SCARA3: variants seen among roughly 807,000 people sequenced by gnomAD.
SCARA3 encodes scavenger receptor class A member 3, also known as cellular stress response gene protein.
In SCARA3, 39 loss-of-function variants were observed where a neutral mutation model predicts 47.0. The observed-to-expected ratio is 0.83, with a 90% confidence interval of 0.64 to 1.08. The LOEUF (loss-of-function observed/expected upper bound fraction) is 1.08. Among genes scored for constraint, SCARA3 ranks in the 50% least tolerant of loss-of-function variants. The probability of loss-of-function intolerance (pLI) is 0.00; values close to 1 mark genes in which losing one functional copy is unlikely to be tolerated. For missense variants in SCARA3, 724 were observed against 792.3 expected, an observed-to-expected ratio of 0.91 and a Z score of 1.04; for synonymous variants, 356 against 334.1, an observed-to-expected ratio of 1.07 and a Z score of -0.71.
chr8:27,704,349 G>A, the SCARA3 span, among the ~76,000 whole-genome samples: 1 of 152,136 alleles, frequency 6.6e-6, no homozygotes, highest in Non-Finnish European at 1.5e-5. Context: ...AGGAGACTTA[G>A]GAGGAAGGAT....
the SCARA3 span, among the ~76,000 whole-genome samples, chr8:27,684,797 G>A: frequency 6.6e-6 from 1 of 152,098 alleles, no homozygotes; most frequent in Non-Finnish European, 1.5e-5. Context: ...GGCTGAAGCA[G>A]GAGGATCTGC....
chr8:27,634,173 C>A lies in SCARA3; in HGVS notation c.-28C>A. The A allele has an allele frequency of 2.1e-6, 3 of 1,442,778 alleles. No individual in the cohort carries two copies. The highest frequency in any genetic ancestry group is 2.7e-6 in the Non-Finnish European group (3 of 1,101,910). 89.4% of individuals were successfully genotyped at this position (1,442,778 alleles called of 1,614,324 possible). Reference sequence around the variant, plus strand: ...ACAGCTCCAGCCGCCTGCAGCGGGGCCCTCCTGAGGCCCCAGAGGAAGAGA... The same window carrying A: ...ACAGCTCCAGCCGCCTGCAGCGGGGACCTCCTGAGGCCCCAGAGGAAGAGA... On this transcript the variant is annotated 5_prime_UTR_variant, in exon 1 of 6. Coordinates refer to ENST00000301904, the MANE Select transcript of SCARA3 (RefSeq NM_016240.3).
intron 5 of SCARA3, among the ~76,000 whole-genome samples, chr8:27,662,593 G>A (rs376780665): frequency 2.0e-4 from 31 of 152,206 alleles, no homozygotes; most frequent in African/African-American, 2.9e-4. Flanking sequence ...CAGGGCAAGC[G>A]TCTATTCTGG....
Position 27,662,042 on chromosome 8 carries a change from G to C in SCARA3, c.1369+2503G>C, listed in dbSNP as rs140864754. Among the ~76,000 whole-genome samples the C allele has an allele frequency of 1.1e-3, 173 of 152,348 alleles. 1 individual carries two copies. The highest frequency in any genetic ancestry group is 4.0e-3 in the African/African-American group (168 of 41,578). ...AGGAGCTCAAAGTGGCCAGGTGGCA[G>C]TCTTAACTTCCTGTTCAATGGAATC... On this transcript the variant is annotated intron_variant, in intron 5 of 5. Coordinates refer to ENST00000301904, the MANE Select transcript of SCARA3 (RefSeq NM_016240.3).
intron 3 of SCARA3, among the ~76,000 whole-genome samples, chr8:27,655,951 C>A (rs186359082): frequency 6.6e-6 from 1 of 152,160 alleles, no homozygotes; most frequent in Non-Finnish European, 1.5e-5. Context: ...GTACAGTAGT[C>A]CCCGTTTATC....
the SCARA3 span, among the ~76,000 whole-genome samples, chr8:27,730,492 T>TTTA: frequency 6.8e-6 from 1 of 147,310 alleles, no homozygotes; most frequent in Middle Eastern, 3.4e-3. Context: ...CCTTTGATTT[T>TTTA]TTTTTTTTTT....
the SCARA3 span, among the ~76,000 whole-genome samples, chr8:27,725,384 T>C: frequency 3.8e-5 from 5 of 131,564 alleles, no homozygotes; most frequent in African/African-American, 8.5e-5. Flanking sequence ...ATTTATATTA[T>C]ATTTATATTT....
chr8:27,682,916 C>G, the SCARA3 span, among the ~76,000 whole-genome samples: 4 of 152,004 alleles, frequency 2.6e-5, no homozygotes, highest in Non-Finnish European at 4.4e-5. Flanking sequence ...TCTAGCCATT[C>G]TACTCCTAGG....
intron 5 of SCARA3, 66 bp from the exon 6 acceptor site, chr8:27,670,834 C>A: frequency 7.2e-7 from 1 of 1,384,840 alleles, no homozygotes; most frequent in Non-Finnish European, 9.8e-7. Context: ...CCGCTCTGCT[C>A]ATGGGCGAGC....
At chr8:27,644,934 C>A (rs535320875) in intron 1 of SCARA3, among the ~76,000 whole-genome samples, 1 of 152,148 alleles carries the variant, frequency 6.6e-6, no homozygotes, top group Non-Finnish European at 1.5e-5. Flanking sequence ...CACGACCCCC[C>A]CAAACAAGAA....
chr8:27,692,162 G>T, the SCARA3 span, among the ~76,000 whole-genome samples: 1 of 152,144 alleles, frequency 6.6e-6, no homozygotes, highest in African/African-American at 2.4e-5. Flanking sequence ...GCCATGTAAG[G>T]TGTCTCACAC....
At chr8:27,720,233 T>C in the SCARA3 span, among the ~76,000 whole-genome samples, 4 of 142,464 alleles carry the variant, frequency 2.8e-5, no homozygotes, top group African/African-American at 9.8e-5. Context: ...TGAGCAAGTC[T>C]GAGTGGCGAG....
intron 1 of SCARA3, among the ~76,000 whole-genome samples, chr8:27,637,560 CT>C (rs1042148504): frequency 6.6e-6 from 1 of 152,150 alleles, no homozygotes; most frequent in African/African-American, 2.4e-5. Flanking sequence ...AGCTCTGCGC[CT>C]GAGCACCACT....
chr8:27,684,532 A>G, the SCARA3 span, among the ~76,000 whole-genome samples: 1 of 152,086 alleles, frequency 6.6e-6, no homozygotes, highest in African/African-American at 2.4e-5. Context: ...AAAAAATAAT[A>G]ATAATTTGCT....
At chr8:27,662,599 T>G (rs1310726822) in intron 5 of SCARA3, among the ~76,000 whole-genome samples, 1 of 152,208 alleles carries the variant, frequency 6.6e-6, no homozygotes, top group Non-Finnish European at 1.5e-5. Context: ...AAGCGTCTAT[T>G]CTGGTAAAAA....
chr8:27,719,034 G>A, the SCARA3 span, among the ~76,000 whole-genome samples: 1 of 152,214 alleles, frequency 6.6e-6, no homozygotes, highest in Admixed American at 6.5e-5. Flanking sequence ...CTGCCTGCAA[G>A]AAGAAATGCA....
chr8:27,661,973 C>G (rs533719108), intron 5 of SCARA3, among the ~76,000 whole-genome samples: 23 of 152,282 alleles, frequency 1.5e-4, no homozygotes, highest in South Asian at 4.1e-4. Flanking sequence ...GTCACCCACA[C>G]AAGCATAGGA....
the SCARA3 span, among the ~76,000 whole-genome samples, chr8:27,715,172 C>G: frequency 6.6e-6 from 1 of 152,140 alleles, no homozygotes; most frequent in African/African-American, 2.4e-5. The surrounding 1 kb of genome is among the most constrained non-coding windows in gnomAD (Gnocchi z 4.2). Flanking sequence ...ACAATCCTCC[C>G]ATCTTGGCCT....
intron 3 of SCARA3, among the ~76,000 whole-genome samples, chr8:27,656,248 C>G (rs1801741176): frequency 6.6e-6 from 1 of 152,168 alleles, no homozygotes. Context: ...TTGTTAGTCT[C>G]TTACTAGGCC....
Sources: gnomAD v4.1 joint callset for allele counts (sites outside exome capture counted in the v4.1 genomes callset) on GRCh38, gnomAD v4.1.1 for gene constraint, Gnocchi (gnomAD v3.1) non-coding constraint, MANE v1.5 for transcripts, NCBI Gene and HGNC (gene_info 2026-07-23, HGNC 2026-07-21) for gene names.